The following SLC6A11 variants were observed in gnomAD, a reference collection of about 807,000 sequenced individuals.
SLC6A11 encodes sodium- and chloride-dependent GABA transporter 3.
SLC6A11 carries 25 observed loss-of-function variants against 74.8 expected under a neutral mutation model. That is an observed-to-expected ratio of 0.33 (90% CI 0.24 to 0.47). The LOEUF (loss-of-function observed/expected upper bound fraction) is 0.47. Ranked by LOEUF, SLC6A11 falls within the 20% of genes least tolerant of loss-of-function variation. The pLI, the probability that SLC6A11 is intolerant of heterozygous loss-of-function variation, is 1.00. For synonymous variants in SLC6A11, 330 were observed against 330.2 expected (o/e 1.00, Z 0.01); for missense variants, 574 against 837.0 (o/e 0.69, Z 3.88).
rs1694055439 is a variant in SLC6A11, at chr3:10,816,328, C to T, written c.63C>T (p.Ser21=). The change falls in exon 1 of 14, where the codon TCC becomes TCT. Residue 21 remains serine, a synonymous_variant. Transcript: ENST00000254488. This position sits in a 1 kb window ranked among gnomAD's most constrained non-coding sequence, Gnocchi z 4.2. Reference sequence around the variant, plus strand: ...AGGCTGCTGAGGAGGCGCGGGAGTCCGAGGCGCCGGGTGGCGGCTGCAGCA... The same window carrying T: ...AGGCTGCTGAGGAGGCGCGGGAGTCTGAGGCGCCGGGTGGCGGCTGCAGCA... ...NGKAAEEARE[S]EAPGGGCSSG... is the part of the protein sequence containing the mutation. The T allele has an allele frequency of 2.8e-6, 4 of 1,413,656 alleles. No homozygotes were observed. The highest frequency in any genetic ancestry group is 3.4e-5 in the Admixed American group (1 of 29,008). The allele number at this position is 1,413,656 out of a possible 1,614,324, so 87.6% of individuals were successfully genotyped here. A position where few individuals can be genotyped will look rare whatever the true frequency, so the allele number is the denominator to read the frequency against.
intron 6 of SLC6A11, among the ~76,000 whole-genome samples, chr3:10,875,305 A>G (rs1694894867): frequency 6.6e-6 from 1 of 152,248 alleles, no homozygotes; most frequent in African/African-American, 2.4e-5. Context: ...TAAAAAGGCA[A>G]ATTTGTGACA....
intron 5 of SLC6A11, among the ~76,000 whole-genome samples, chr3:10,867,277 G>A (rs1477411013): frequency 2.0e-5 from 3 of 152,228 alleles, no homozygotes; most frequent in Admixed American, 6.5e-5. Context: ...CTGGCCACAC[G>A]TGTGGCAGAG....
At chr3:10,912,301 G>C (rs952689523) in intron 7 of SLC6A11, 108 bp downstream of exon 7, 5 of 768,142 alleles carry the variant, frequency 6.5e-6, no homozygotes, top group Non-Finnish European at 9.2e-6. Flanking sequence ...CCCAGGAGGA[G>C]ATAGATAGGC....
chr3:10,862,914 AG>A (rs1694719910), intron 5 of SLC6A11, among the ~76,000 whole-genome samples: 2 of 152,230 alleles, frequency 1.3e-5, no homozygotes, highest in South Asian at 2.1e-4. Context: ...GGCACACTGT[AG>A]GCTCAGTGGA....
At chr3:10,889,933 T>G (rs962084010) in intron 6 of SLC6A11, among the ~76,000 whole-genome samples, 1 of 152,184 alleles carries the variant, frequency 6.6e-6, no homozygotes, top group African/African-American at 2.4e-5. Flanking sequence ...CAGAGCTTCC[T>G]GCAAAGGGAA....
At chr3:10,870,231 G>A (rs974574679) in intron 5 of SLC6A11, among the ~76,000 whole-genome samples, 52 of 152,170 alleles carry the variant, frequency 3.4e-4, no homozygotes, top group African/African-American at 1.1e-3. Context: ...ATTGTGTGGT[G>A]TCATGATCCC....
chr3:10,842,490 C>T (rs998974429), intron 4 of SLC6A11, among the ~76,000 whole-genome samples: 8 of 152,158 alleles, frequency 5.3e-5, no homozygotes, highest in Admixed American at 4.6e-4. Context: ...CTCTTAAAGG[C>T]CTCATTTAAT....
chr3:10,876,564 A>T (rs1694908892), intron 6 of SLC6A11, among the ~76,000 whole-genome samples: 1 of 152,102 alleles, frequency 6.6e-6, no homozygotes, highest in Admixed American at 6.6e-5. Context: ...TGATCATCCG[A>T]ATACCTTGGA....
At chr3:10,833,323 A>C (rs1174028500) in intron 4 of SLC6A11, among the ~76,000 whole-genome samples, 3 of 152,130 alleles carry the variant, frequency 2.0e-5, no homozygotes, top group African/African-American at 7.2e-5. Flanking sequence ...TGGCCTCCCA[A>C]AGTGCTGGGA....
intron 4 of SLC6A11, among the ~76,000 whole-genome samples, chr3:10,831,642 G>C (rs1378755166): frequency 6.6e-6 from 1 of 152,066 alleles, no homozygotes; most frequent in Non-Finnish European, 1.5e-5. Context: ...CTTACTTTTT[G>C]CTTTGTACTT....
At chr3:10,835,427 G>A (rs1341055977) in intron 4 of SLC6A11, among the ~76,000 whole-genome samples, 7 of 152,154 alleles carry the variant, frequency 4.6e-5, no homozygotes, top group Admixed American at 1.3e-4. Flanking sequence ...CAGTTCCTCC[G>A]TCTCTCACCT....
chr3:10,883,848 T>C (rs1695011091), intron 6 of SLC6A11, among the ~76,000 whole-genome samples: 1 of 152,092 alleles, frequency 6.6e-6, no homozygotes, highest in Non-Finnish European at 1.5e-5. Context: ...GTAGTGGCCC[T>C]CACTGAGGTG....
At chr3:10,894,001 C>A (rs1201843717) in intron 6 of SLC6A11, among the ~76,000 whole-genome samples, 1 of 152,186 alleles carries the variant, frequency 6.6e-6, no homozygotes, top group Non-Finnish European at 1.5e-5. Context: ...ACAGCCCCTC[C>A]CTCACAGTGG....
chr3:10,850,788 T>C (rs1462697156), intron 5 of SLC6A11, among the ~76,000 whole-genome samples: 1 of 152,160 alleles, frequency 6.6e-6, no homozygotes, highest in African/African-American at 2.4e-5. Context: ...TAGCACGGTC[T>C]ATTTTCATCC....
At chr3:10,823,230 CTGAA>C in intron 3 of SLC6A11, 68 bp from the exon 4 acceptor site, 1 of 1,155,134 alleles carries the variant, frequency 8.7e-7, no homozygotes, top group Non-Finnish European at 1.3e-6. Context: ...CGCATCAGCT[CTGAA>C]TGTTTTTCAG....
intron 7 of SLC6A11, among the ~76,000 whole-genome samples, chr3:10,912,752 G>C (rs1695404074): frequency 6.6e-6 from 1 of 152,304 alleles, no homozygotes; most frequent in African/African-American, 2.4e-5. Flanking sequence ...CACACGTGCA[G>C]CTTGAGTTCT....
chr3:10,856,284 G>A, intron 5 of SLC6A11, among the ~76,000 whole-genome samples: 1 of 152,200 alleles, frequency 6.6e-6, no homozygotes, highest in East Asian at 1.9e-4. Flanking sequence ...AGCAAATGGA[G>A]GGAGACTGCG....
At chr3:10,928,846 C>T (rs773505515) in intron 9 of SLC6A11, among the ~76,000 whole-genome samples, 29 of 152,084 alleles carry the variant, frequency 1.9e-4, no homozygotes, top group Non-Finnish European at 3.5e-4. Flanking sequence ...TTTAAGTTGT[C>T]GACCCCAGCA....
Position 10,918,488 on chromosome 3 carries a change from C to T in SLC6A11, c.1120+35C>T, listed in dbSNP as rs1239997248. 2 of 1,593,036 alleles carry T rather than the reference C, an allele frequency of 1.3e-6. No individual in the cohort carries two copies. Among genetic ancestry groups the T allele is most frequent in the South Asian group, 2.3e-5 (2 of 88,368 alleles). On this transcript the variant is annotated intron_variant, in intron 8 of 13. Transcript: ENST00000254488. This position sits in a 1 kb window ranked among gnomAD's most constrained non-coding sequence, Gnocchi z 4.5. ...CCAAAGGTGGGGATGGAAAAGGCGG[C>T]AAGGGAGGCCAGGAGTGATGGTCAT... is the stretch of plus-strand genomic sequence containing the variant.
Sources: allele counts gnomAD v4.1 joint callset (sites outside exome capture counted in the v4.1 genomes callset), GRCh38; gene constraint gnomAD v4.1.1; non-coding constraint Gnocchi (gnomAD v3.1); transcripts MANE v1.5; gene names NCBI Gene and HGNC (gene_info 2026-07-23, HGNC 2026-07-21).